The following CLEC11A variants were observed in gnomAD, a reference collection of about 807,000 sequenced individuals.
CLEC11A encodes C-type lectin domain family 11 member A.
Under a neutral mutation model 33.9 loss-of-function variants are expected in CLEC11A, and 35 were observed. The ratio of observed to expected loss-of-function variants is 1.03; its 90% CI spans 0.79 to 1.37. CLEC11A has a LOEUF of 1.37. CLEC11A is among the 40% of genes most tolerant of loss of function. CLEC11A has a pLI of 0.00. For missense variants in CLEC11A, 519 were observed against 455.5 expected (o/e 1.14, Z -1.27); for synonymous variants, 220 against 202.2 (o/e 1.09, Z -0.75).
chr19:50,724,461 TGC>T lies in CLEC11A; in HGVS notation c.387_388del (p.His130ArgfsTer172). 1 of 1,570,738 alleles carries T rather than the reference TGC, an allele frequency of 6.4e-7. No individual in the cohort carries two copies. The highest frequency in any genetic ancestry group is 8.6e-7 in the Non-Finnish European group (1 of 1,164,980). On this transcript the variant is annotated frameshift_variant, in exon 3 of 4. Transcript: ENST00000250340. LOFTEE classifies it high-confidence loss of function. This position sits in a 1 kb window ranked among gnomAD's most constrained non-coding sequence, Gnocchi z 4.1. ...GGCCTGCACCAGCTGCACGTCCGTCTGCACGCGTTGGACACCCGCGTGGTCGA... is the reference window on the plus strand; with the variant it reads ...GGCCTGCACCAGCTGCACGTCCGTCTACGCGTTGGACACCCGCGTGGTCGA...
In CLEC11A at chr19:50,724,289, C is replaced by T. The variant is rs2089165955; in HGVS notation, c.335-121C>T. 4.1e-6 allele frequency: 5 copies of T among 1,216,502 alleles called. No homozygotes were observed. The highest frequency in any genetic ancestry group is 2.7e-5 in the East Asian group (1 of 37,530). The allele number at this position is 1,216,502 out of a possible 1,614,324, so 75.4% of individuals were successfully genotyped here. ...CACTCGACCCTACCTTCCAGGAGTC[C>T]GGGGTGCCCCCCCCACCGCCACCCC... On this transcript the variant is annotated intron_variant, in intron 2 of 3. Transcript: ENST00000250340. The surrounding 1 kb of genome is among the most constrained non-coding windows in gnomAD (Gnocchi z 4.1).
At position 50,723,758 on chromosome 19, in the gene CLEC11A, G is replaced by C; in HGVS notation, c.147+86G>C. On this transcript the variant is annotated intron_variant, in intron 1 of 3. Coordinates refer to ENST00000250340, the MANE Select transcript of CLEC11A (RefSeq NM_002975.3). The surrounding 1 kb of genome is among the most constrained non-coding windows in gnomAD (Gnocchi z 4.1). ...GCAAGGTTAGGGAAATGGACAATGA[G>C]GAGCGATTGGGATAGTCTCAGAGGA... 2.6e-6 allele frequency: 4 copies of C among 1,529,686 alleles called. No individual in the cohort carries two copies. 94.8% of individuals were successfully genotyped at this position (1,529,686 alleles called of 1,614,324 possible). A position where few individuals can be genotyped will look rare whatever the true frequency, so the allele number is the denominator to read the frequency against.
Position 50,724,970 on chromosome 19 carries a change from C to T in CLEC11A, c.527-52C>T. On this transcript the variant is annotated intron_variant, in intron 3 of 3. Coordinates refer to ENST00000250340, the MANE Select transcript of CLEC11A (RefSeq NM_002975.3). This position sits in a 1 kb window ranked among gnomAD's most constrained non-coding sequence, Gnocchi z 4.1. ...CGGATGTTTTGTCCTCGCCCCCTTC[C>T]AGACTCTGAATGCATGACCCCGCCT... 2.1e-6 allele frequency: 3 copies of T among 1,432,640 alleles called. No individual in the cohort carries two copies. Among genetic ancestry groups the T allele is most frequent in the Non-Finnish European group, 1.8e-6 (2 of 1,096,168 alleles). The allele number at this position is 1,432,640 out of a possible 1,614,324, so 88.7% of individuals were successfully genotyped here. A position where few individuals can be genotyped will look rare whatever the true frequency, so the allele number is the denominator to read the frequency against.
Position 50,725,245 on chromosome 19 carries a change from C to T in CLEC11A, c.750C>T (p.Leu250=), listed in dbSNP as rs1489674478. 1.2e-6 allele frequency: 2 copies of T among 1,609,082 alleles called. No individual in the cohort carries two copies. The highest frequency in any genetic ancestry group is 8.5e-7 in the Non-Finnish European group (1 of 1,178,236). The part of the protein sequence containing the change: ...LGVHDRRAEG[L]YLFENGQRVS... ...TGCACGATCGGCGCGCCGAGGGCCT[C>T]TACCTCTTCGAAAACGGCCAGCGCG... Residue 250 remains leucine, a synonymous_variant, in exon 4 of 4, where the codon CTC becomes CTT. Transcript: ENST00000250340.
Position 50,724,969 on chromosome 19 carries a change from C to T in CLEC11A, c.527-53C>T. The T allele has an allele frequency of 2.1e-6, 3 of 1,407,944 alleles. No individual in the cohort carries two copies. The highest frequency in any genetic ancestry group is 2.8e-6 in the Non-Finnish European group (3 of 1,083,274). 87.2% of individuals were successfully genotyped at this position (1,407,944 alleles called of 1,614,324 possible). ...CCGGATGTTTTGTCCTCGCCCCCTTCCAGACTCTGAATGCATGACCCCGCC... is the reference window on the plus strand; with the variant it reads ...CCGGATGTTTTGTCCTCGCCCCCTTTCAGACTCTGAATGCATGACCCCGCC... On this transcript the variant is annotated intron_variant, in intron 3 of 3. Coordinates refer to ENST00000250340, the MANE Select transcript of CLEC11A (RefSeq NM_002975.3). The surrounding 1 kb of genome is among the most constrained non-coding windows in gnomAD (Gnocchi z 4.1).
In CLEC11A at chr19:50,724,519, C is replaced by T; in HGVS notation, c.444C>T (p.Asn148=). The stretch of plus-strand genomic sequence containing the variant: ...CCCAGGGGCTGCGGCAGCTGCGGAA[C>T]GCGGCAGGCGACACCCGCGATGCCG... ...ELTQGLRQLR[N]AAGDTRDAVQ... is the part of the protein sequence containing the mutation. The change falls in exon 3 of 4, where the codon AAC becomes AAT. Residue 148 remains asparagine, a synonymous_variant. Transcript: ENST00000250340. This position sits in a 1 kb window ranked among gnomAD's most constrained non-coding sequence, Gnocchi z 4.1. 1.3e-6 allele frequency: 2 copies of T among 1,553,538 alleles called. No homozygotes were observed. Among genetic ancestry groups the T allele is most frequent in the African/African-American group, 2.7e-5 (2 of 72,780 alleles).
Position 50,725,525 on chromosome 19 carries a change from G to A in CLEC11A, c.*58G>A. 6.8e-7 allele frequency: 1 copy of A among 1,478,898 alleles called. No homozygotes were observed. 91.6% of individuals were successfully genotyped at this position (1,478,898 alleles called of 1,614,324 possible). ...ACCACCCGGCCTTTCCCTGCGCCGT[G>A]CCCACCCTCCTCCGGAATCTCCCTT... On this transcript the variant is annotated 3_prime_UTR_variant, in exon 4 of 4. Coordinates refer to ENST00000250340, the MANE Select transcript of CLEC11A (RefSeq NM_002975.3).
chr19:50,723,433 A>G lies in CLEC11A; in HGVS notation c.-93A>G. Reference sequence around the variant, plus strand: ...GAACCTGGGGGCTAGTGACCTGCACACAGGGCAGGGGCACTCGGCAGTTCC... The same window carrying G: ...GAACCTGGGGGCTAGTGACCTGCACGCAGGGCAGGGGCACTCGGCAGTTCC... On this transcript the variant is annotated 5_prime_UTR_variant, in exon 1 of 4. Coordinates refer to ENST00000250340, the MANE Select transcript of CLEC11A (RefSeq NM_002975.3). This position sits in a 1 kb window ranked among gnomAD's most constrained non-coding sequence, Gnocchi z 4.1. 1.5e-6 allele frequency: 2 copies of G among 1,365,456 alleles called. No individual in the cohort carries two copies. The highest frequency in any genetic ancestry group is 2.4e-5 in the South Asian group (2 of 82,430). 84.6% of individuals were successfully genotyped at this position (1,365,456 alleles called of 1,614,324 possible).
Position 50,724,312 on chromosome 19 carries a change from C to A in CLEC11A, c.335-98C>A. The A allele has an allele frequency of 8.7e-7, 1 of 1,152,644 alleles. No homozygotes were observed. Among genetic ancestry groups the A allele is most frequent in the Non-Finnish European group, 1.2e-6 (1 of 843,282 alleles). 71.4% of individuals were successfully genotyped at this position (1,152,644 alleles called of 1,614,324 possible). On this transcript the variant is annotated intron_variant, in intron 2 of 3. Coordinates refer to ENST00000250340, the MANE Select transcript of CLEC11A (RefSeq NM_002975.3). This position sits in a 1 kb window ranked among gnomAD's most constrained non-coding sequence, Gnocchi z 4.1. ...TCCGGGGTGCCCCCCCCACCGCCAC[C>A]CCGCCCTCAGGAGCCCTAGATCCCA... is the stretch of plus-strand genomic sequence containing the variant.
rs2089166712 is a variant in CLEC11A, at chr19:50,724,383, T to C, written c.335-27T>C. Reference sequence around the variant, plus strand: ...CCCCGCTGCATCTCCAGGCTCCCCCTCCAGCATGATCCCTGTCTGTCCGCA... The same window carrying C: ...CCCCGCTGCATCTCCAGGCTCCCCCCCCAGCATGATCCCTGTCTGTCCGCA... On this transcript the variant is annotated intron_variant, in intron 2 of 3. Coordinates refer to ENST00000250340, the MANE Select transcript of CLEC11A (RefSeq NM_002975.3). This position sits in a 1 kb window ranked among gnomAD's most constrained non-coding sequence, Gnocchi z 4.1. The C allele has an allele frequency of 1.5e-6, 2 of 1,354,260 alleles. No individual in the cohort carries two copies. 83.9% of individuals were successfully genotyped at this position (1,354,260 alleles called of 1,614,324 possible).
Position 50,725,163 on chromosome 19 carries a change from T to C in CLEC11A, c.668T>C (p.Leu223Pro). The C allele has an allele frequency of 6.4e-7, 1 of 1,570,706 alleles. No homozygotes were observed. Among genetic ancestry groups the C allele is most frequent in the Non-Finnish European group, 8.6e-7 (1 of 1,159,940 alleles). The change falls in exon 4 of 4, where the codon CTC (leucine) becomes CCC (proline). Residue 223 changes from leucine (L) to proline (P), a missense_variant. Transcript: ENST00000250340. ...GCAGACCGCCAGCAGATGGAGGCGC[T>C]CACTCGGTACCTGCGCGCGGCGCTC... ...QPADRQQMEA[L>P]TRYLRAALAP...
Position 50,724,216 on chromosome 19 carries a change from A to G in CLEC11A, c.334+125A>G. 2 of 1,467,718 alleles carry G rather than the reference A, an allele frequency of 1.4e-6. No homozygotes were observed. The highest frequency in any genetic ancestry group is 1.3e-5 in the South Asian group (1 of 77,968). 90.9% of individuals were successfully genotyped at this position (1,467,718 alleles called of 1,614,324 possible). A position where few individuals can be genotyped will look rare whatever the true frequency, so the allele number is the denominator to read the frequency against. Reference sequence around the variant, plus strand: ...CCATTGCCCAGCCCAGAGCCCCCACACCCCTAGGAGCCCCAGGTCCACGGC... The same window carrying G: ...CCATTGCCCAGCCCAGAGCCCCCACGCCCCTAGGAGCCCCAGGTCCACGGC... On this transcript the variant is annotated intron_variant, in intron 2 of 3. Transcript: ENST00000250340. This position sits in a 1 kb window ranked among gnomAD's most constrained non-coding sequence, Gnocchi z 4.1.
chr19:50,725,178 G>T lies in CLEC11A; in HGVS notation c.683G>T (p.Arg228Leu), dbSNP rs201753001. ...ATGGAGGCGCTCACTCGGTACCTGC[G>T]CGCGGCGCTCGCTCCCTACAACTGG... ...QQMEALTRYL[R>L]AALAPYNWPV... The change falls in exon 4 of 4, where the codon CGC becomes CTC. Residue 228 changes from arginine (R) to leucine (L), a missense_variant. Coordinates refer to ENST00000250340, the MANE Select transcript of CLEC11A (RefSeq NM_002975.3). 1 of 1,579,564 alleles carries T rather than the reference G, an allele frequency of 6.3e-7. No individual in the cohort carries two copies. Among genetic ancestry groups the T allele is most frequent in the Non-Finnish European group, 8.6e-7 (1 of 1,164,346 alleles).
rs775195627 is a variant in CLEC11A at position 50,724,448 on chromosome 19, C to T, written c.373C>T (p.Leu125=). The stretch of plus-strand genomic sequence containing the variant: ...CGGCCTGGACGCAGGCCTGCACCAG[C>T]TGCACGTCCGTCTGCACGCGTTGGA... The part of the protein sequence containing the change: ...LAGLDAGLHQ[L]HVRLHALDTR... The change falls in exon 3 of 4, where the codon CTG becomes TTG. Residue 125 remains leucine (L), a synonymous_variant. Coordinates refer to ENST00000250340, the MANE Select transcript of CLEC11A (RefSeq NM_002975.3). This position sits in a 1 kb window ranked among gnomAD's most constrained non-coding sequence, Gnocchi z 4.1. The T allele has an allele frequency of 1.3e-6, 2 of 1,559,352 alleles. No individual in the cohort carries two copies. The highest frequency in any genetic ancestry group is 1.7e-6 in the Non-Finnish European group (2 of 1,158,546).
chr19:50,724,893 C>A lies in CLEC11A; in HGVS notation c.527-129C>A. 2 of 1,409,834 alleles carry A rather than the reference C, an allele frequency of 1.4e-6. No individual in the cohort carries two copies. The highest frequency in any genetic ancestry group is 2.5e-4 in the Middle Eastern group (1 of 4,028). 87.3% of individuals were successfully genotyped at this position (1,409,834 alleles called of 1,614,324 possible). A position where few individuals can be genotyped will look rare whatever the true frequency, so the allele number is the denominator to read the frequency against. On this transcript the variant is annotated intron_variant, in intron 3 of 3. Coordinates refer to ENST00000250340, the MANE Select transcript of CLEC11A (RefSeq NM_002975.3). The surrounding 1 kb of genome is among the most constrained non-coding windows in gnomAD (Gnocchi z 4.1). ...CTCCTGGCTCCCGCGGTTCTGACCA[C>A]GCCTCCTCCCAGCCCTCCCCATGAG...
In CLEC11A at chr19:50,723,514, GA is replaced by G; in HGVS notation, c.-11del. On this transcript the variant is annotated 5_prime_UTR_variant, in exon 1 of 4. Transcript: ENST00000250340. The surrounding 1 kb of genome is among the most constrained non-coding windows in gnomAD (Gnocchi z 4.1). ...AGACATCTGGAACTTTGGGTGCCAA[GA>G]GTCCAGCTTAATGCAGGCAGCCTGG... The G allele has an allele frequency of 6.2e-7, 1 of 1,612,000 alleles. No individual in the cohort carries two copies.
chr19:50,723,659 C>A lies in CLEC11A; in HGVS notation c.134C>A (p.Ala45Asp). The A allele has an allele frequency of 6.3e-7, 1 of 1,587,956 alleles. No individual in the cohort carries two copies. The highest frequency in any genetic ancestry group is 8.6e-7 in the Non-Finnish European group (1 of 1,168,770). ...GAQEEERERE[A>D]LMLKHLQEAL... The stretch of plus-strand genomic sequence containing the variant: ...CAGGAGGAGGAGCGGGAGAGGGAGG[C>A]CCTGATGCTGAAGGTGAGCTCTGGA... The change falls in exon 1 of 4, where the codon GCC becomes GAC. Residue 45 changes from alanine to aspartate, a missense_variant. Transcript: ENST00000250340. This position sits in a 1 kb window ranked among gnomAD's most constrained non-coding sequence, Gnocchi z 4.1.
Position 50,724,870 on chromosome 19 carries a change from C to G in CLEC11A, c.527-152C>G, listed in dbSNP as rs2089171635. The G allele has an allele frequency of 5.0e-6, 7 of 1,405,188 alleles. No individual in the cohort carries two copies. Among genetic ancestry groups the G allele is most frequent in the Non-Finnish European group, 6.4e-6 (7 of 1,087,288 alleles). 87.0% of individuals were successfully genotyped at this position (1,405,188 alleles called of 1,614,324 possible). A position where few individuals can be genotyped will look rare whatever the true frequency, so the allele number is the denominator to read the frequency against. On this transcript the variant is annotated intron_variant, in intron 3 of 3. Coordinates refer to ENST00000250340, the MANE Select transcript of CLEC11A (RefSeq NM_002975.3). This position sits in a 1 kb window ranked among gnomAD's most constrained non-coding sequence, Gnocchi z 4.1. ...CCCTGGCGGACCAGACTCTCCACCT[C>G]CTGGCTCCCGCGGTTCTGACCACGC...
rs1395906715 is a variant in CLEC11A, at chr19:50,725,485, C to T, written c.*18C>T. 1.3e-6 allele frequency: 2 copies of T among 1,564,500 alleles called. No individual in the cohort carries two copies. The highest frequency in any genetic ancestry group is 1.2e-5 in the South Asian group (1 of 85,118). On this transcript the variant is annotated 3_prime_UTR_variant, in exon 4 of 4. Coordinates refer to ENST00000250340, the MANE Select transcript of CLEC11A (RefSeq NM_002975.3). ...CCTTCTAGCGGGGCCGGTACCCCGC[C>T]TCCCTGCCCATCCCACCACCCGGCC... is the stretch of plus-strand genomic sequence containing the variant.
Sources: allele counts gnomAD v4.1 joint callset, GRCh38; gene constraint gnomAD v4.1.1; non-coding constraint Gnocchi (gnomAD v3.1); transcripts MANE v1.5; gene names NCBI Gene and HGNC (gene_info 2026-07-23, HGNC 2026-07-21).